Variants in PCDH7 observed in about 807,000 individuals in gnomAD.
PCDH7 encodes protocadherin-7.
Under a neutral mutation model 58.9 loss-of-function variants are expected in PCDH7, and 17 were observed. The observed-to-expected ratio is 0.29, with a 90% confidence interval of 0.20 to 0.43. The LOEUF is 0.43. Ranked by LOEUF, PCDH7 falls within the 20% of genes least tolerant of loss-of-function variation. The pLI, the probability that PCDH7 is intolerant of heterozygous loss-of-function variation, is 1.00. For missense variants in PCDH7, 1,274 were observed against 1,441.0 expected (o/e 0.88, Z 1.88); for synonymous variants, 664 against 616.4 (o/e 1.08, Z -1.14).
intron 1 of PCDH7, among the ~76,000 whole-genome samples, chr4:30,848,346 T>C (rs1200743801): frequency 1.3e-5 from 2 of 152,134 alleles, no homozygotes; most frequent in African/African-American, 4.8e-5. Context: ...AGGTAATATG[T>C]CATCAGGTGA....
At chr4:31,108,352 T>C (rs1001001593) in intron 3 of PCDH7, among the ~76,000 whole-genome samples, 1 of 84,852 alleles carries the variant, frequency 1.2e-5, no homozygotes, top group East Asian at 3.0e-4. Context: ...TAGTAGACTG[T>C]AACATACAGC....
intron 3 of PCDH7, among the ~76,000 whole-genome samples, chr4:30,965,820 G>A (rs1007711903): frequency 3.3e-5 from 5 of 151,894 alleles, no homozygotes; most frequent in Admixed American, 6.6e-5. Context: ...AGCAGAAAAG[G>A]TTTAAAATAT....
At chr4:31,142,281 T>C (rs1720357827) in intron 3 of PCDH7, among the ~76,000 whole-genome samples, 192 bp from the exon 3 acceptor site, 2 of 152,206 alleles carry the variant, frequency 1.3e-5, no homozygotes, top group Admixed American at 1.3e-4. Flanking sequence ...ATATTGGATG[T>C]CCTTGCAAAA....
At chr4:30,779,152 C>T (rs1722469842) in intron 1 of PCDH7, among the ~76,000 whole-genome samples, 2 of 151,814 alleles carry the variant, frequency 1.3e-5, no homozygotes, top group African/African-American at 4.8e-5. Flanking sequence ...TCCTGAGTAG[C>T]TGGGATTATT....
At chr4:30,759,825 C>T (rs927404664) in intron 1 of PCDH7, among the ~76,000 whole-genome samples, 7 of 151,946 alleles carry the variant, frequency 4.6e-5, no homozygotes, top group East Asian at 1.9e-4. Flanking sequence ...TTTGTAATAC[C>T]GGAATCTGTT....
At chr4:30,756,231 A>T (rs1175899881) in intron 1 of PCDH7, among the ~76,000 whole-genome samples, 3 of 152,106 alleles carry the variant, frequency 2.0e-5, no homozygotes, top group Non-Finnish European at 2.9e-5. Context: ...TGGTTTTGGG[A>T]GTGTAAGAAC....
chr4:30,810,701 T>A (rs1159827497), intron 1 of PCDH7, among the ~76,000 whole-genome samples: 1 of 151,428 alleles, frequency 6.6e-6, no homozygotes, highest in Non-Finnish European at 1.5e-5. Context: ...AACCTCTGCC[T>A]CCCGGTTCAA....
At chr4:30,870,576 A>C (rs897717439) in intron 1 of PCDH7, among the ~76,000 whole-genome samples, 2 of 152,154 alleles carry the variant, frequency 1.3e-5, no homozygotes, top group Admixed American at 1.3e-4. Flanking sequence ...TAACCATAGA[A>C]GGCTTCTATG....
chr4:30,886,625 A>C (rs1302222580), intron 1 of PCDH7, among the ~76,000 whole-genome samples: 3 of 149,756 alleles, frequency 2.0e-5, no homozygotes, highest in Non-Finnish European at 4.5e-5. Flanking sequence ...ATTACTGGGT[A>C]TATACCCAAA....
rs1367809457 is a variant in PCDH7 at position 30,722,481 on chromosome 4, G to C, written c.1059G>C (p.Ser353=). Residue 353 remains serine, a synonymous_variant, in exon 1 of 2, where the codon TCG becomes TCC. Coordinates refer to ENST00000361762, the Ensembl canonical transcript of PCDH7. The surrounding 1 kb of genome is among the most constrained non-coding windows in gnomAD (Gnocchi z 7.6). ...ACGTGTTCGGGGCGGCCACCGAGTC[G>C]GTGAGGCGGCTGCTGCGCCTTGACG... 1.9e-6 allele frequency: 3 copies of C among 1,609,412 alleles called. No homozygotes were observed. The South Asian group carries it at 3.3e-5, about 18-fold the overall frequency.
At chr4:30,776,844 T>A (rs890616167) in intron 1 of PCDH7, among the ~76,000 whole-genome samples, 1 of 135,820 alleles carries the variant, frequency 7.4e-6, no homozygotes, top group East Asian at 2.1e-4. Context: ...AATATGATTA[T>A]AATTTTGATA....
intron 1 of PCDH7, among the ~76,000 whole-genome samples, chr4:30,828,729 T>C (rs1407570737): frequency 6.6e-6 from 1 of 152,096 alleles, no homozygotes; most frequent in African/African-American, 2.4e-5. Context: ...ACTCGCAATA[T>C]ACACATTGAA....
intron 1 of PCDH7, among the ~76,000 whole-genome samples, chr4:30,825,936 T>A (rs1729046246): frequency 6.6e-6 from 1 of 152,144 alleles, no homozygotes; most frequent in African/African-American, 2.4e-5. Context: ...ATTCTTTAAA[T>A]TTGGCTTCTG....
intron 3 of PCDH7, among the ~76,000 whole-genome samples, chr4:31,088,476 C>T (rs1324452628): frequency 6.6e-6 from 1 of 151,984 alleles, no homozygotes; most frequent in Non-Finnish European, 1.5e-5. Flanking sequence ...CTTTATATCT[C>T]ATACGTCATA....
intron 1 of PCDH7, among the ~76,000 whole-genome samples, chr4:30,871,952 A>G (rs868074709): frequency 6.6e-6 from 1 of 151,974 alleles, no homozygotes; most frequent in African/African-American, 2.4e-5. Flanking sequence ...TTGTCCTTAC[A>G]TGGTGTTTTC....
intron 1 of PCDH7, among the ~76,000 whole-genome samples, chr4:30,748,574 T>C (rs1718077048): frequency 6.6e-6 from 1 of 152,184 alleles, no homozygotes; most frequent in Non-Finnish European, 1.5e-5. Flanking sequence ...ATTAATCTCT[T>C]TGTGAGATGA....
chr4:30,924,950 C>T (rs546789159), intron 2 of PCDH7, among the ~76,000 whole-genome samples: 13 of 151,380 alleles, frequency 8.6e-5, no homozygotes, highest in African/African-American at 2.2e-4. Flanking sequence ...AAATGAGGTT[C>T]GAAATTTGGC....
At chr4:30,935,761 A>G (rs980817382) in intron 2 of PCDH7, among the ~76,000 whole-genome samples, 7 of 152,112 alleles carry the variant, frequency 4.6e-5, no homozygotes, top group African/African-American at 9.7e-5. Context: ...GAATCTGCCA[A>G]TTAGGCACCA....
In PCDH7 at chr4:30,917,755, A is replaced by G. The variant is rs563476032; in HGVS notation, c.71-2398A>G. Among the ~76,000 whole-genome samples, 3 of 152,132 alleles carry G rather than the reference A, an allele frequency of 2.0e-5. No homozygotes were observed. The South Asian group carries it at 6.2e-4, about 32-fold the overall frequency. ...GCAGTCATTACATAGTACATTACAGATAAATCATTATTTTATTGTTAACAT... is the reference window on the plus strand; with the variant it reads ...GCAGTCATTACATAGTACATTACAGGTAAATCATTATTTTATTGTTAACAT... On this transcript the variant is annotated intron_variant, in intron 1 of 3. Coordinates refer to the PCDH7 transcript ENST00000509759.
Sources: allele counts gnomAD v4.1 joint callset (sites outside exome capture counted in the v4.1 genomes callset), GRCh38; gene constraint gnomAD v4.1.1; non-coding constraint Gnocchi (gnomAD v3.1); transcripts MANE v1.5; gene names NCBI Gene and HGNC (gene_info 2026-07-23, HGNC 2026-07-21).